Variants in HCCS observed in about 807,000 individuals in gnomAD.
The protein encoded by HCCS is holocytochrome c-type synthase.
Under a neutral mutation model 24.2 loss-of-function variants are expected in HCCS, and 2 were observed. That is an observed-to-expected ratio of 0.08 (90% CI 0.03 to 0.26). HCCS has a LOEUF of 0.26. HCCS is among the 10% of genes least tolerant of loss of function. The pLI is 1.00. For synonymous variants in HCCS, 73 were observed against 76.2 expected (o/e 0.96, Z 0.22); for missense variants, 150 against 213.3 (o/e 0.70, Z 1.85).
chrX:11,120,241 G>A lies in HCCS; in HGVS notation c.522-666G>A, dbSNP rs150049932. ...TGTCTGTCTAGCCTGTAGGTGGGCT[G>A]TGAACTCCACGAGGACAGTGCTCAG... On this transcript the variant is annotated intron_variant, in intron 5 of 6. Coordinates refer to ENST00000380762, the MANE Select transcript of HCCS (RefSeq NM_005333.5). Among the ~76,000 whole-genome samples, 730 of 111,542 alleles carry A rather than the reference G, an allele frequency of 6.5e-3. 6 individuals carry two copies. The highest frequency in any genetic ancestry group is 0.023 in the African/African-American group (713 of 30,667).
chrX:11,121,025 A>G, intron 6 of HCCS, 32 bp downstream of exon 6: 2 of 1,089,930 alleles, frequency 1.8e-6, no homozygotes, highest in Non-Finnish European at 2.6e-6. Context: ...TTGTTTCACC[A>G]TCCTCAGGTC....
rs1282287069 is a variant in HCCS at position 11,117,262 on chromosome X, T to C, written c.253-5T>C. 1.2e-5 allele frequency: 15 copies of C among 1,206,156 alleles called. No homozygotes were observed. Among genetic ancestry groups the C allele is most frequent in the Non-Finnish European group, 1.6e-5 (14 of 891,449 alleles). ...TATAAAAGCAAATCTGTTCATTTTA[T>C]TTAGATGCCACCACCAAATCAAACA... On this transcript the variant is annotated splice_region_variant and splice_polypyrimidine_tract_variant and intron_variant, in intron 3 of 6. Transcript: ENST00000380762.
Position 11,112,021 on chromosome X carries a change from G to A in HCCS, c.-40G>A. 1.0e-6 allele frequency: 1 copy of A among 998,313 alleles called. No individual in the cohort carries two copies. Among genetic ancestry groups the A allele is most frequent in the Non-Finnish European group, 1.4e-6 (1 of 701,157 alleles). 82.3% of individuals were successfully genotyped at this position (998,313 alleles called of 1,213,427 possible). A position where few individuals can be genotyped will look rare whatever the true frequency, so the allele number is the denominator to read the frequency against. ...AATCTGTCTCTTTGTTTTGGCAGGT[G>A]GAAATTTAAAATTGTTTACAGTCAA... is the stretch of plus-strand genomic sequence containing the variant. On this transcript the variant is annotated splice_region_variant and 5_prime_UTR_variant, in exon 2 of 7. Coordinates refer to ENST00000380762, the MANE Select transcript of HCCS (RefSeq NM_005333.5).
chrX:11,120,375 A>G (rs778105494), intron 5 of HCCS, among the ~76,000 whole-genome samples: 98 of 112,198 alleles, frequency 8.7e-4, no homozygotes, highest in Non-Finnish European at 1.5e-3. Context: ...TGCATTTGCC[A>G]GCTAGGACTC....
chrX:11,122,703 T>G lies in HCCS; in HGVS notation c.*893T>G, dbSNP rs1243348757. 8.9e-6 allele frequency: 1 copy of G among 112,638 alleles called. No individual in the cohort carries two copies. Among genetic ancestry groups the G allele is most frequent in the African/African-American group, 3.2e-5 (1 of 30,887 alleles). 9.3% of individuals were successfully genotyped at this position (112,638 alleles called of 1,213,427 possible). ...CATGATTTTATATTTGGCTGAGTGTTAAAATTCACAAGATGAGCATTTTTT... is the reference window on the plus strand; with the variant it reads ...CATGATTTTATATTTGGCTGAGTGTGAAAATTCACAAGATGAGCATTTTTT... On this transcript the variant is annotated 3_prime_UTR_variant, in exon 7 of 7. Transcript: ENST00000380762.
intron 2 of HCCS, among the ~76,000 whole-genome samples, chrX:11,113,813 G>C (rs2045429869): frequency 8.9e-6 from 1 of 112,362 alleles, no homozygotes; most frequent in South Asian, 3.7e-4. Context: ...GTGGTAGAGA[G>C]GAAAGGCATA....
At chrX:11,120,230 GT>G (rs1420949179) in intron 5 of HCCS, among the ~76,000 whole-genome samples, 1 of 111,566 alleles carries the variant, frequency 9.0e-6, no homozygotes, top group Non-Finnish European at 1.9e-5. Context: ...TGTCTAGCCT[GT>G]AGGTGGGCTG....
intron 2 of HCCS, among the ~76,000 whole-genome samples, chrX:11,114,161 T>C (rs1349283070): frequency 8.9e-6 from 1 of 112,501 alleles, no homozygotes; most frequent in Non-Finnish European, 1.9e-5. Context: ...CCTGTATGGG[T>C]TGTGGAATAT....
chrX:11,120,546 C>T (rs746087126), intron 5 of HCCS, among the ~76,000 whole-genome samples: 3 of 111,162 alleles, frequency 2.7e-5, no homozygotes, highest in South Asian at 3.8e-4. Flanking sequence ...CTGAAAAACC[C>T]CAGCTGCTCT....
intron 2 of HCCS, among the ~76,000 whole-genome samples, chrX:11,114,628 C>T (rs2147250331): frequency 8.9e-6 from 1 of 112,443 alleles, no homozygotes; most frequent in South Asian, 3.6e-4. Context: ...ATTTTTCTTT[C>T]AAAGGAAATG....
In HCCS at chrX:11,122,960, G is replaced by C. The variant is rs1208309878; in HGVS notation, c.*1150G>C. The C allele has an allele frequency of 9.0e-6, 1 of 110,828 alleles. No homozygotes were observed. The highest frequency in any genetic ancestry group is 1.9e-5 in the Non-Finnish European group (1 of 52,991). 9.1% of individuals were successfully genotyped at this position (110,828 alleles called of 1,213,427 possible). On this transcript the variant is annotated 3_prime_UTR_variant, in exon 7 of 7. Coordinates refer to ENST00000380762, the MANE Select transcript of HCCS (RefSeq NM_005333.5). ...TAGTGGATGAAATTGGCAGTCTGTG[G>C]GTGATTAATTTGGTATGGATTTGTC...
chrX:11,120,345 G>A (rs2045482472), intron 5 of HCCS, among the ~76,000 whole-genome samples: 1 of 111,610 alleles, frequency 9.0e-6, no homozygotes, highest in African/African-American at 3.3e-5. Flanking sequence ...TCCTCAGCAG[G>A]GGTCTGCGGG....
intron 5 of HCCS, among the ~76,000 whole-genome samples, chrX:11,119,245 A>C (rs1013050282): frequency 6.3e-5 from 7 of 111,897 alleles, no homozygotes; most frequent in African/African-American, 2.3e-4. Context: ...TGTTCCCTCA[A>C]TAGCATTTAT....
At chrX:11,114,204 C>T (rs1270995948) in intron 2 of HCCS, among the ~76,000 whole-genome samples, 2 of 113,005 alleles carry the variant, frequency 1.8e-5, no homozygotes, top group Non-Finnish European at 3.7e-5. Context: ...CTGTTAAACT[C>T]TTGCCATTGA....
rs1033346165 is a variant in HCCS at position 11,112,858 on chromosome X, A to G, written c.100+698A>G. Reference sequence around the variant, plus strand: ...GGTTGTCACAACTGAGAGGAAAGTGAATAGAGGGCAGGAGTGCTCCTAAAC... The same window carrying G: ...GGTTGTCACAACTGAGAGGAAAGTGGATAGAGGGCAGGAGTGCTCCTAAAC... On this transcript the variant is annotated intron_variant, in intron 2 of 6. Transcript: ENST00000380762. Among the ~76,000 whole-genome samples, 3 of 112,569 alleles carry G rather than the reference A, an allele frequency of 2.7e-5. No individual in the cohort carries two copies. In the Admixed American group the frequency reaches 2.8e-4, roughly 10 times the overall value.
At chrX:11,118,164 G>A (rs770180659) in intron 4 of HCCS, among the ~76,000 whole-genome samples, 3 of 111,887 alleles carry the variant, frequency 2.7e-5, no homozygotes, top group African/African-American at 9.8e-5. Context: ...AAAAAGTTAG[G>A]GGATCATTGA....
intron 1 of HCCS, among the ~76,000 whole-genome samples, chrX:11,111,799 TC>T (rs760455411): frequency 2.0e-4 from 22 of 112,120 alleles, no homozygotes; most frequent in Non-Finnish European, 3.4e-4. Flanking sequence ...AGTCCCAAAA[TC>T]CTCACTGCCT....
intron 1 of HCCS, 147 bp from the exon 2 acceptor site, chrX:11,111,872 T>C (rs755639362): frequency 2.2e-6 from 1 of 462,354 alleles, no homozygotes; most frequent in South Asian, 3.0e-5. Context: ...AAGGGGGCAA[T>C]ATATTAAAGC....
Position 11,114,997 on chromosome X carries a change from C to G in HCCS, c.252+11C>G. ...GATCCTTCAAATCTGGTAATCCACACTCATCTTTTCTTTCTGGAGCTTTTT... is the reference window on the plus strand; with the variant it reads ...GATCCTTCAAATCTGGTAATCCACAGTCATCTTTTCTTTCTGGAGCTTTTT... On this transcript the variant is annotated intron_variant, in intron 3 of 6. Coordinates refer to ENST00000380762, the MANE Select transcript of HCCS (RefSeq NM_005333.5). The G allele has an allele frequency of 8.3e-7, 1 of 1,201,290 alleles. No homozygotes were observed. The highest frequency in any genetic ancestry group is 1.1e-6 in the Non-Finnish European group (1 of 886,034).
Sources: gnomAD v4.1 joint callset for allele counts (sites outside exome capture counted in the v4.1 genomes callset) on GRCh38, gnomAD v4.1.1 for gene constraint, MANE v1.5 for transcripts, NCBI Gene and HGNC (gene_info 2026-07-23, HGNC 2026-07-21) for gene names.